CRB1: variants seen among roughly 807,000 people sequenced by gnomAD.
CRB1 encodes the protein crumbs cell polarity complex component 1.
In CRB1, 83 loss-of-function variants were observed where a neutral mutation model predicts 120.0. The ratio of observed to expected loss-of-function variants is 0.69; its 90% CI spans 0.58 to 0.83. The LOEUF (loss-of-function observed/expected upper bound fraction) is 0.83. Among genes scored for constraint, CRB1 ranks in the 40% least tolerant of loss-of-function variants. The probability of loss-of-function intolerance (pLI) is 0.00; values close to 1 mark genes in which losing one functional copy is unlikely to be tolerated. For synonymous variants in CRB1, 625 were observed against 612.5 expected, an observed-to-expected ratio of 1.02 and a Z score of -0.30; for missense variants, 1,699 against 1,687.6, an observed-to-expected ratio of 1.01 and a Z score of -0.12.
At chr1:197,251,195 T>G in the CRB1 span, among the ~76,000 whole-genome samples, 1 of 152,106 alleles carries the variant, frequency 6.6e-6, no homozygotes, top group African/African-American at 2.4e-5. Flanking sequence ...TTTGCTTAAC[T>G]TCTCTGTATT....
At chr1:197,306,735 G>T (rs988868054) in intron 1 of CRB1, among the ~76,000 whole-genome samples, 3 of 152,158 alleles carry the variant, frequency 2.0e-5, no homozygotes, top group African/African-American at 7.2e-5. Flanking sequence ...CACACAGAAA[G>T]GCATGAAGTA....
intron 11 of CRB1, among the ~76,000 whole-genome samples, chr1:197,448,950 CTTATTTTAATATTT>C (rs2125525657): frequency 6.6e-6 from 1 of 152,134 alleles, no homozygotes; most frequent in East Asian, 1.9e-4. Context: ...ATATTGCTTC[CTTATTTTAATATTT>C]TTATTTTAAT....
At chr1:197,240,266 C>G in the CRB1 span, among the ~76,000 whole-genome samples, 1 of 151,984 alleles carries the variant, frequency 6.6e-6, no homozygotes, top group Admixed American at 6.6e-5. Flanking sequence ...ATGTGCAGAA[C>G]GTGCAGGTTT....
upstream of CRB1, among the ~76,000 whole-genome samples, chr1:197,267,370 TA>T (rs1177322426): frequency 1.3e-5 from 2 of 152,094 alleles, no homozygotes; most frequent in Non-Finnish European, 2.9e-5. Context: ...ATAATATTGA[TA>T]AAAAACATTA....
intron 10 of CRB1, 138 bp downstream of exon 10, chr1:197,438,813 T>A: frequency 2.0e-6 from 2 of 989,390 alleles, no homozygotes; most frequent in Admixed American, 5.1e-5. Context: ...TCAGACAGAA[T>A]GAAACAATAA....
At chr1:197,238,997 G>A in the CRB1 span, among the ~76,000 whole-genome samples, 3 of 151,838 alleles carry the variant, frequency 2.0e-5, no homozygotes, top group Non-Finnish European at 2.9e-5. Context: ...ATTTATGTAT[G>A]GAACAGTATT....
At chr1:197,415,428 G>GT (rs976415473) in intron 5 of CRB1, among the ~76,000 whole-genome samples, 4 of 151,886 alleles carry the variant, frequency 2.6e-5, no homozygotes, top group African/African-American at 9.7e-5. Context: ...TAAAAACCTC[G>GT]TAAGTTCCCA....
chr1:197,222,435 G>A, the CRB1 span: 1 of 768,524 alleles, frequency 1.3e-6, no homozygotes, highest in South Asian at 1.3e-5. Context: ...TCGGGCTACC[G>A]TCATGGTGAT....
chr1:197,246,099 C>T, the CRB1 span, among the ~76,000 whole-genome samples: 2 of 152,050 alleles, frequency 1.3e-5, no homozygotes, highest in South Asian at 2.1e-4. Context: ...ATGGGAGGAG[C>T]CTTGTTACCA....
In CRB1 at chr1:197,421,667, G is replaced by A. The variant is rs775920967; in HGVS notation, c.1839G>A (p.Leu613=). Reference sequence around the variant, plus strand: ...TATGTGCTTTTCAGAACTCCTTTTTGGGTGGTTTACCAGTGGGAATGACCA... The same window carrying A: ...TATGTGCTTTTCAGAACTCCTTTTTAGGTGGTTTACCAGTGGGAATGACCA... ...QSICAFQNSF[L]GGLPVGMTSN... Residue 613 remains leucine (L), a synonymous_variant, in exon 6 of 12, where the codon TTG becomes TTA. Transcript: ENST00000367400. 1.9e-6 allele frequency: 3 copies of A among 1,614,128 alleles called. No individual in the cohort carries two copies. In the South Asian group the frequency reaches 3.3e-5, roughly 18 times the overall value.
At chr1:197,405,726 G>A (rs1283263218) in intron 5 of CRB1, among the ~76,000 whole-genome samples, 16 of 150,384 alleles carry the variant, frequency 1.1e-4, no homozygotes, top group Admixed American at 5.3e-4. Context: ...CTGCCCAGCC[G>A]CCCTGTCTGA....
At chr1:197,453,883 ATT>A (rs891291490) in intron 11 of CRB1, among the ~76,000 whole-genome samples, 6 of 140,366 alleles carry the variant, frequency 4.3e-5, no homozygotes, top group African/African-American at 1.6e-4. Context: ...AATAATATAT[ATT>A]ATTAATATTA....
intron 4 of CRB1, among the ~76,000 whole-genome samples, chr1:197,348,805 A>C (rs943602158): frequency 2.0e-5 from 3 of 152,108 alleles, no homozygotes; most frequent in Admixed American, 2.0e-4. Flanking sequence ...ACAGCTGTAC[A>C]TGTGTTTGTG....
At chr1:197,222,254 G>A in the CRB1 span, 4 of 527,922 alleles carry the variant, frequency 7.6e-6, no homozygotes, top group African/African-American at 3.8e-5. Flanking sequence ...TGTCGTTGGT[G>A]GCGGGTGTTT....
At chr1:197,404,550 A>C (rs1663244090) in intron 5 of CRB1, among the ~76,000 whole-genome samples, 1 of 151,196 alleles carries the variant, frequency 6.6e-6, no homozygotes, top group Non-Finnish European at 1.5e-5. Flanking sequence ...TTAATTCAGC[A>C]CCTTTGGTTT....
the CRB1 span, among the ~76,000 whole-genome samples, chr1:197,248,373 A>G: frequency 6.6e-6 from 1 of 152,030 alleles, no homozygotes; most frequent in East Asian, 1.9e-4. Flanking sequence ...CTTACCAGTT[A>G]CTGGACCTCA....
Position 197,434,835 on chromosome 1 carries a change from A to T in CRB1, c.2972A>T (p.His991Leu), listed in dbSNP as rs1400574905. ...RTRDANVIIL[H>L]AEKEPEFLNI... is the part of the protein sequence containing the mutation. ...AGGGATGCAAATGTAATAATATTGCATGCAGAAAAAGAGCCTGAATTTCTT... is the reference window on the plus strand; with the variant it reads ...AGGGATGCAAATGTAATAATATTGCTTGCAGAAAAAGAGCCTGAATTTCTT... Residue 991 changes from histidine (H) to leucine (L), a missense_variant, in exon 9 of 12, where the codon CAT (histidine) becomes CTT (leucine). His to Leu is a moderately conservative substitution (Grantham distance 99). Transcript: ENST00000367400. 5 of 1,613,768 alleles carry T rather than the reference A, an allele frequency of 3.1e-6. No individual in the cohort carries two copies. The East Asian group carries it at 1.1e-4, about 36-fold the overall frequency.
At chr1:197,249,610 C>T in the CRB1 span, among the ~76,000 whole-genome samples, 1 of 151,872 alleles carries the variant, frequency 6.6e-6, no homozygotes, top group Non-Finnish European at 1.5e-5. Context: ...GTTTTTATTT[C>T]CTGGCACCCT....
the CRB1 span, chr1:197,223,054 G>A: frequency 1.3e-6 from 1 of 789,910 alleles, no homozygotes; most frequent in Admixed American, 1.7e-5. Context: ...CTATCTTTGA[G>A]GCAAAATAAG....
Sources: gnomAD v4.1 joint callset for allele counts (sites outside exome capture counted in the v4.1 genomes callset) on GRCh38, gnomAD v4.1.1 for gene constraint, MANE v1.5 for transcripts, NCBI Gene and HGNC (gene_info 2026-07-23, HGNC 2026-07-21) for gene names.